The following BICD1 variants were observed in gnomAD, a reference collection of about 807,000 sequenced individuals.
BICD1 encodes the protein protein bicaudal D homolog 1.
BICD1 carries 35 observed loss-of-function variants against 92.5 expected under a neutral mutation model. That is an observed-to-expected ratio of 0.38 (90% confidence interval 0.29 to 0.50). The LOEUF (loss-of-function observed/expected upper bound fraction) is 0.50, where lower values mean the gene tolerates loss of function less well. Ranked by LOEUF, BICD1 falls within the 20% of genes least tolerant of loss-of-function variation. BICD1 has a pLI of 0.93. For missense variants in BICD1, 950 were observed against 1,189.8 expected (o/e 0.80, Z 2.97); for synonymous variants, 429 against 465.1 (o/e 0.92, Z 1.00).
intron 4 of BICD1, among the ~76,000 whole-genome samples, chr12:32,312,030 T>C (rs922944376): frequency 2.0e-5 from 3 of 152,082 alleles, no homozygotes; most frequent in African/African-American, 7.2e-5. Flanking sequence ...ACCCCTTAGA[T>C]AGGAATTTGG....
chr12:32,288,223 ATTTTTT>A (rs34913740), intron 2 of BICD1, among the ~76,000 whole-genome samples: 3,509 of 109,520 alleles, frequency 0.032, 136 homozygotes, highest in African/African-American at 0.11. Context: ...CCAAGTCCTA[ATTTTTT>A]TTTTTTTTTT....
At chr12:32,184,429 GA>G (rs1286487995) in intron 1 of BICD1, among the ~76,000 whole-genome samples, 2 of 152,100 alleles carry the variant, frequency 1.3e-5, no homozygotes, top group African/African-American at 2.4e-5. Context: ...TGGGATTACA[GA>G]CGCATGCCAC....
At chr12:32,244,048 T>C (rs984025782) in intron 2 of BICD1, among the ~76,000 whole-genome samples, 2 of 152,232 alleles carry the variant, frequency 1.3e-5, no homozygotes, top group African/African-American at 4.8e-5. Flanking sequence ...ATTAGTTCAG[T>C]TGTTTATAGG....
rs1181102689 is a variant in BICD1 at position 32,383,410 on chromosome 12, A to G, written c.*5783A>G. On this transcript the variant is annotated 3_prime_UTR_variant, in exon 10 of 10. Transcript: ENST00000652176. ...CTTGTACTTTAACTTTTTTTATTGT[A>G]GACAATCCTAAGTGAATAATGTCTC... 2.6e-5 allele frequency: 4 copies of G among 152,194 alleles called. No homozygotes were observed. The highest frequency in any genetic ancestry group is 9.6e-5 in the African/African-American group (4 of 41,464). The allele number at this position is 152,194 out of a possible 1,614,324, so 9.4% of individuals were successfully genotyped here. A position where few individuals can be genotyped will look rare whatever the true frequency, so the allele number is the denominator to read the frequency against.
At chr12:32,125,688 C>T (rs4001822) in intron 1 of BICD1, among the ~76,000 whole-genome samples, 43,993 of 151,856 alleles carry the variant, frequency 0.29, 6,611 homozygotes, top group Admixed American at 0.43. Context: ...ATGAATGAGT[C>T]GACTACTTGG....
intron 1 of BICD1, among the ~76,000 whole-genome samples, chr12:32,197,735 A>T (rs1025239271): frequency 1.3e-5 from 2 of 152,192 alleles, no homozygotes; most frequent in Admixed American, 1.3e-4. Flanking sequence ...TGATGATATG[A>T]TACAGATCAG....
rs552576651 is a variant in BICD1, at chr12:32,138,524, C to G, written c.213+30980C>G. Among the ~76,000 whole-genome samples, 6 of 152,210 alleles carry G rather than the reference C, an allele frequency of 3.9e-5. No homozygotes were observed. In the South Asian group the frequency reaches 1.2e-3, roughly 32 times the overall value. On this transcript the variant is annotated intron_variant, in intron 1 of 9. Coordinates refer to ENST00000652176, the MANE Select transcript of BICD1 (RefSeq NM_001714.4). ...TTTTGACTTTATAATTATTTTTTGACTTTATAATTTTTTGACTTTATATAA... is the reference window on the plus strand; with the variant it reads ...TTTTGACTTTATAATTATTTTTTGAGTTTATAATTTTTTGACTTTATATAA...
chr12:32,352,206 A>T (rs1938917911), intron 8 of BICD1: 1 of 130,698 alleles, frequency 7.7e-6, no homozygotes, highest in African/African-American at 4.2e-5. Context: ...CTCTGTCTCA[A>T]AAAAAAAAAA....
At chr12:32,157,478 G>A (rs1033351502) in intron 1 of BICD1, among the ~76,000 whole-genome samples, 1 of 152,102 alleles carries the variant, frequency 6.6e-6, no homozygotes, top group African/African-American at 2.4e-5. Context: ...TAAAGATTCT[G>A]GGGGGCTGGA....
intron 1 of BICD1, among the ~76,000 whole-genome samples, chr12:32,199,030 G>A (rs1342616916): frequency 6.6e-6 from 1 of 152,112 alleles, no homozygotes; most frequent in Non-Finnish European, 1.5e-5. Flanking sequence ...TATGGTCTTG[G>A]GTAGAACTGA....
rs61038844 is a variant in BICD1 at position 32,171,940 on chromosome 12, T to TACAC, written c.214-44260_214-44257dup. ...CAAAGCAAGACTTGGTCTCAAAAAA[T>TACAC]ACACACACACACACACACACACACA... On this transcript the variant is annotated intron_variant, in intron 1 of 9. Coordinates refer to ENST00000652176, the MANE Select transcript of BICD1 (RefSeq NM_001714.4). Among the ~76,000 whole-genome samples the TACAC allele has an allele frequency of 8.9e-3, 1,260 of 141,040 alleles. 16 individuals carry two copies. Among genetic ancestry groups the TACAC allele is most frequent in the African/African-American group, 0.027 (1,029 of 37,596 alleles). 92.5% of individuals were successfully genotyped at this position (141,040 alleles called of 152,430 possible).
At position 32,138,870 on chromosome 12, in the gene BICD1, T is replaced by C. The variant is rs540936251; in HGVS notation, c.213+31326T>C. ...GTGTTTAGATAGATATAATTAGATA[T>C]CTATATATAATAGATTCTATGCTAT... On this transcript the variant is annotated intron_variant, in intron 1 of 9. Coordinates refer to ENST00000652176, the MANE Select transcript of BICD1 (RefSeq NM_001714.4). 2.0e-5 allele frequency among the ~76,000 whole-genome samples: 3 copies of C among 152,350 alleles called. No individual in the cohort carries two copies. The South Asian group carries it at 6.2e-4, about 32-fold the overall frequency.
intron 2 of BICD1, among the ~76,000 whole-genome samples, chr12:32,223,516 C>CA (rs60536204): frequency 0.051 from 5,287 of 103,254 alleles, 328 homozygotes; most frequent in African/African-American, 0.17. Flanking sequence ...GACTTTGTCT[C>CA]AAAAAAAAAA....
In BICD1 at chr12:32,264,074, C is replaced by A. The variant is rs1015018237; in HGVS notation, c.427-29920C>A. Among the ~76,000 whole-genome samples the A allele has an allele frequency of 2.0e-5, 3 of 152,200 alleles. No individual in the cohort carries two copies. The South Asian group carries it at 6.2e-4, about 32-fold the overall frequency. ...GCTCTGCCACTTACAGAATGCAAATCATTAAGCAAATTTACATAATCTCTG... is the reference window on the plus strand; with the variant it reads ...GCTCTGCCACTTACAGAATGCAAATAATTAAGCAAATTTACATAATCTCTG... On this transcript the variant is annotated intron_variant, in intron 2 of 9. Transcript: ENST00000652176.
chr12:32,300,340 T>C (rs1948000973), intron 3 of BICD1, among the ~76,000 whole-genome samples: 1 of 152,070 alleles, frequency 6.6e-6, no homozygotes, highest in Non-Finnish European at 1.5e-5. Context: ...CCTGACCTCA[T>C]GATCCTCCTG....
At chr12:32,315,719 G>C (rs892508464) in intron 4 of BICD1, among the ~76,000 whole-genome samples, 4 of 152,074 alleles carry the variant, frequency 2.6e-5, no homozygotes, top group Non-Finnish European at 4.4e-5. Context: ...TTTAACAATG[G>C]TGTTAAAGCA....
At chr12:32,194,937 C>G (rs915374258) in intron 1 of BICD1, among the ~76,000 whole-genome samples, 1 of 151,094 alleles carries the variant, frequency 6.6e-6, no homozygotes, top group African/African-American at 2.4e-5. Context: ...CTAGGAATAC[C>G]AAGAAGGTGA....
chr12:32,377,102 C>T (rs1940002993), intron 9 of BICD1, among the ~76,000 whole-genome samples: 1 of 152,048 alleles, frequency 6.6e-6, no homozygotes, highest in African/African-American at 2.4e-5. Context: ...CAGATCTCAC[C>T]CCACACCTAA....
At chr12:32,298,784 C>T (rs1330183236) in intron 3 of BICD1, among the ~76,000 whole-genome samples, 13 of 148,774 alleles carry the variant, frequency 8.7e-5, no homozygotes, top group South Asian at 8.5e-4. Flanking sequence ...GCAGGAGAAT[C>T]GCTTGAACCT....
Sources: gnomAD v4.1 joint callset for allele counts (sites outside exome capture counted in the v4.1 genomes callset) on GRCh38, gnomAD v4.1.1 for gene constraint, MANE v1.5 for transcripts, NCBI Gene and HGNC (gene_info 2026-07-23, HGNC 2026-07-21) for gene names.